PEAK1: variants seen among roughly 807,000 people sequenced by gnomAD.
PEAK1 encodes the protein inactive tyrosine-protein kinase PEAK1.
PEAK1 carries 54 observed loss-of-function variants against 124.7 expected under a neutral mutation model. The ratio of observed to expected loss-of-function variants is 0.43; its 90% CI spans 0.35 to 0.54. The LOEUF (loss-of-function observed/expected upper bound fraction) is 0.54, where lower values mean the gene tolerates loss of function less well. PEAK1 is among the 20% of genes least tolerant of loss of function. The pLI is 0.01. For synonymous variants in PEAK1, 719 were observed against 760.0 expected, an observed-to-expected ratio of 0.95 and a Z score of 0.89; for missense variants, 2,046 against 2,134.5, an observed-to-expected ratio of 0.96 and a Z score of 0.82.
chr15:77,186,075 T>C (rs1030509703), intron 6 of PEAK1, among the ~76,000 whole-genome samples: 32 of 152,170 alleles, frequency 2.1e-4, no homozygotes, highest in African/African-American at 7.5e-4. Context: ...CAGAAAAGCA[T>C]AAAGAAAATA....
intron 5 of PEAK1, among the ~76,000 whole-genome samples, chr15:77,283,440 AG>A (rs2062770435): frequency 6.6e-6 from 1 of 152,174 alleles, no homozygotes; most frequent in African/African-American, 2.4e-5. Flanking sequence ...TTTCTTTTAA[AG>A]GAAAGACAAT....
At chr15:77,314,446 G>A (rs1428834144) in intron 2 of PEAK1, among the ~76,000 whole-genome samples, 1 of 151,932 alleles carries the variant, frequency 6.6e-6, no homozygotes, top group African/African-American at 2.4e-5. Context: ...TCAGCTCACT[G>A]CAACCTCTGC....
intron 6 of PEAK1, among the ~76,000 whole-genome samples, chr15:77,226,052 T>TATATATAG (rs2059638564): frequency 1.7e-5 from 1 of 59,762 alleles, no homozygotes; most frequent in African/African-American, 6.0e-5. Context: ...GGGATATATA[T>TATATATAG]ATATATATAT....
At chr15:77,169,616 G>A (rs1025964409) in intron 7 of PEAK1, among the ~76,000 whole-genome samples, 9 of 152,174 alleles carry the variant, frequency 5.9e-5, no homozygotes, top group African/African-American at 1.9e-4. Flanking sequence ...GTTCTAAAGC[G>A]ATTAGGTTAC....
chr15:77,412,507 C>A (rs2072494632), intron 1 of PEAK1, among the ~76,000 whole-genome samples: 2 of 152,182 alleles, frequency 1.3e-5, no homozygotes, highest in Non-Finnish European at 2.9e-5. Flanking sequence ...ATCAGTAAAT[C>A]TATCTGTATC....
intron 6 of PEAK1, among the ~76,000 whole-genome samples, chr15:77,247,747 T>C (rs2060664118): frequency 6.6e-6 from 1 of 152,020 alleles, no homozygotes; most frequent in South Asian, 2.1e-4. Context: ...TAGCCTCCCA[T>C]TCATTTAATT....
Position 77,381,146 on chromosome 15 carries a change from G to A in PEAK1, c.-665-15921C>T, listed in dbSNP as rs188084391. 78 of 871,410 alleles carry A rather than the reference G, an allele frequency of 9.0e-5. No individual in the cohort carries two copies. In the Admixed American group the frequency reaches 4.7e-3, roughly 53 times the overall value. 54.0% of individuals were successfully genotyped at this position (871,410 alleles called of 1,614,324 possible). On this transcript the variant is annotated intron_variant, in intron 1 of 9. Coordinates refer to ENST00000682557, the MANE Select transcript of PEAK1 (RefSeq NM_001385026.1). ...GGAGTTTTAAATAATGGAGTAACAT[G>A]CTAAAAATCATGTTTTAAGATTAAT...
chr15:77,208,051 T>C (rs2058744947), intron 6 of PEAK1, among the ~76,000 whole-genome samples: 1 of 152,160 alleles, frequency 6.6e-6, no homozygotes. Context: ...ACAGAGTTGG[T>C]GAGAAAATCC....
chr15:77,186,617 G>A (rs2057562045), intron 6 of PEAK1, among the ~76,000 whole-genome samples: 1 of 151,510 alleles, frequency 6.6e-6, no homozygotes, highest in Non-Finnish European at 1.5e-5. Flanking sequence ...AAAACTTAAA[G>A]TATAATAATA....
rs1491077683 is a variant in PEAK1, at chr15:77,414,205, TTC to T, written c.-666+5799_-666+5800del. Among the ~76,000 whole-genome samples the T allele has an allele frequency of 6.1e-3, 449 of 74,076 alleles. 4 individuals are homozygous for T. The highest frequency in any genetic ancestry group is 0.016 in the African/African-American group (429 of 26,356). The allele number at this position is 74,076 out of a possible 152,430, so 48.6% of individuals were successfully genotyped here. On this transcript the variant is annotated intron_variant, in intron 1 of 9. Coordinates refer to ENST00000682557, the MANE Select transcript of PEAK1 (RefSeq NM_001385026.1). ...CTTCTGTCTTTCCTTCCTTCTTTCCTTCTTTTTTTTTTTTTTTTTTTTGAGAC... is the reference window on the plus strand; with the variant it reads ...CTTCTGTCTTTCCTTCCTTCTTTCCTTTTTTTTTTTTTTTTTTTTTGAGAC...
At chr15:77,240,526 G>A (rs2060308519) in intron 6 of PEAK1, among the ~76,000 whole-genome samples, 1 of 151,978 alleles carries the variant, frequency 6.6e-6, no homozygotes. Context: ...AGGCTGAGGT[G>A]GGAGGACCTG....
chr15:77,381,445 C>A (rs2069474465), intron 1 of PEAK1: 2 of 953,062 alleles, frequency 2.1e-6, no homozygotes, highest in Non-Finnish European at 1.2e-6. Context: ...ATAATTTTTT[C>A]TTTAAAAGAA....
intron 9 of PEAK1, among the ~76,000 whole-genome samples, chr15:77,117,983 G>T (rs886938540): frequency 1.8e-4 from 28 of 152,190 alleles, no homozygotes; most frequent in African/African-American, 6.3e-4. Flanking sequence ...TAGCTTCACA[G>T]ATCTACTTGA....
At chr15:77,193,674 C>T (rs945645315) in intron 6 of PEAK1, among the ~76,000 whole-genome samples, 12 of 152,052 alleles carry the variant, frequency 7.9e-5, no homozygotes, top group Non-Finnish European at 1.3e-4. Context: ...CACAGTGGTG[C>T]GCGCTTGTAA....
At chr15:77,343,521 C>A (rs781081936) in intron 2 of PEAK1, among the ~76,000 whole-genome samples, 24 of 135,586 alleles carry the variant, frequency 1.8e-4, no homozygotes, top group Non-Finnish European at 2.9e-4. Context: ...GAGTCTCGCT[C>A]CGTTGCTTAG....
intron 1 of PEAK1, among the ~76,000 whole-genome samples, chr15:77,413,702 A>C (rs1437391086): frequency 6.6e-6 from 1 of 152,240 alleles, no homozygotes; most frequent in Non-Finnish European, 1.5e-5. Context: ...TAAAATATTA[A>C]AGCAGTTTGA....
At chr15:77,238,103 A>G (rs1205440274) in intron 6 of PEAK1, among the ~76,000 whole-genome samples, 1 of 151,946 alleles carries the variant, frequency 6.6e-6, no homozygotes, top group Admixed American at 6.6e-5. Context: ...CTTTCTCCCT[A>G]ATGGTTTTGA....
chr15:77,351,853 C>T (rs1023671318), intron 2 of PEAK1: 37 of 985,260 alleles, frequency 3.8e-5, no homozygotes, highest in East Asian at 1.1e-4. Context: ...CAATTATTTC[C>T]GGGCATACAA....
At chr15:77,286,276 A>G (rs2152973842) in intron 3 of PEAK1, 147 bp downstream of exon 3, 1 of 399,026 alleles carries the variant, frequency 2.5e-6, no homozygotes, top group Non-Finnish European at 4.3e-6. Flanking sequence ...GTTTGAAAAG[A>G]GCATGTCTTA....
Sources: allele counts gnomAD v4.1 joint callset (sites outside exome capture counted in the v4.1 genomes callset), GRCh38; gene constraint gnomAD v4.1.1; transcripts MANE v1.5; gene names NCBI Gene and HGNC (gene_info 2026-07-23, HGNC 2026-07-21).